Variants in KNL1 observed in about 807,000 individuals in gnomAD.
The protein encoded by KNL1 is outer kinetochore KNL1 complex subunit KNL1.
In KNL1, 66 loss-of-function variants were observed where a neutral mutation model predicts 201.3. The observed-to-expected ratio is 0.33, with a 90% CI of 0.27 to 0.40. The LOEUF (loss-of-function observed/expected upper bound fraction) is 0.40, where lower values mean the gene tolerates loss of function less well. Ranked by LOEUF, KNL1 falls within the 10% of genes least tolerant of loss-of-function variation. The pLI is 1.00. For missense variants in KNL1, 2,815 were observed against 2,690.5 expected, an observed-to-expected ratio of 1.05 and a Z score of -1.02; for synonymous variants, 895 against 899.2, an observed-to-expected ratio of 1.00 and a Z score of 0.08.
intron 17 of KNL1, among the ~76,000 whole-genome samples, chr15:40,647,581 T>C (rs1310374464): frequency 1.3e-5 from 2 of 152,154 alleles, no homozygotes. Context: ...TAACCCAGAC[T>C]GTAATTTTGT....
At chr15:40,601,192 G>A (rs1298237650) in intron 1 of KNL1, among the ~76,000 whole-genome samples, 1 of 152,150 alleles carries the variant, frequency 6.6e-6, no homozygotes, top group Non-Finnish European at 1.5e-5. Flanking sequence ...GTTGTGAACT[G>A]CGCACACGAG....
At chr15:40,596,589 T>C (rs1243340693) in intron 1 of KNL1, among the ~76,000 whole-genome samples, 1 of 152,076 alleles carries the variant, frequency 6.6e-6, no homozygotes, top group Non-Finnish European at 1.5e-5. Context: ...ATTTTATTAT[T>C]AAATAATCAC....
chr15:40,651,383 G>T (rs1336315352), intron 19 of KNL1, 88 bp from the exon 20 acceptor site: 3 of 717,110 alleles, frequency 4.2e-6, no homozygotes, highest in East Asian at 6.1e-5. Flanking sequence ...CATGTAGCAT[G>T]TGACTTCTTA....
intron 13 of KNL1, among the ~76,000 whole-genome samples, chr15:40,632,590 G>A (rs777043189): frequency 1.3e-5 from 2 of 151,868 alleles, no homozygotes; most frequent in Non-Finnish European, 2.9e-5. Context: ...AGATAGAGCC[G>A]GACCCTGTCT....
In KNL1 at chr15:40,598,609, T is replaced by G. The variant is rs145605063; in HGVS notation, c.-18+4217T>G. 6.4e-3 allele frequency among the ~76,000 whole-genome samples: 966 copies of G among 150,648 alleles called. 12 individuals are homozygous for G. The highest frequency in any genetic ancestry group is 0.022 in the African/African-American group (913 of 40,984). ...CCCCCAAAAAAAACAAAAAAATGAG[T>G]GGGTTGGGGATATTGGGGATATATA... On this transcript the variant is annotated intron_variant, in intron 1 of 25. Transcript: ENST00000399668.
At chr15:40,657,498 T>C in intron 24 of KNL1, 25 bp downstream of exon 24, 1 of 1,196,390 alleles carries the variant, frequency 8.4e-7, no homozygotes, top group Non-Finnish European at 1.2e-6. Context: ...TCCCAAGGAC[T>C]GCCATGACAG....
At chr15:40,607,304 C>T (rs999366410) in intron 4 of KNL1, among the ~76,000 whole-genome samples, 22 of 152,184 alleles carry the variant, frequency 1.4e-4, no homozygotes, top group East Asian at 3.8e-4. Context: ...TTATGAACTA[C>T]GAAAAGATCA....
At chr15:40,658,505 GT>G (rs1234807825) in intron 24 of KNL1, among the ~76,000 whole-genome samples, 1 of 129,588 alleles carries the variant, frequency 7.7e-6, no homozygotes, top group Non-Finnish European at 1.6e-5. Flanking sequence ...CTCAGCCTGG[GT>G]GACAGAGTGA....
intron 21 of KNL1, among the ~76,000 whole-genome samples, 195 bp from the exon 22 acceptor site, chr15:40,654,714 A>G (rs1439179184): frequency 6.6e-6 from 1 of 151,950 alleles, no homozygotes; most frequent in Non-Finnish European, 1.5e-5. Flanking sequence ...CTAAAAGTAC[A>G]AAAAATTAGC....
In KNL1 at chr15:40,628,690, T is replaced by A. The variant is rs1194847382; in HGVS notation, c.5583+12T>A. On this transcript the variant is annotated intron_variant, in intron 12 of 25. Coordinates refer to ENST00000399668, the MANE Select transcript of KNL1 (RefSeq NM_144508.5). The stretch of plus-strand genomic sequence containing the variant: ...AGAGCTTGAGGGAGGTATGTTAAAA[T>A]TCTTTTTCTTTTTTTTATTTATAAA... The A allele has an allele frequency of 6.7e-7, 1 of 1,498,454 alleles. No individual in the cohort carries two copies. Among genetic ancestry groups the A allele is most frequent in the African/African-American group, 1.4e-5 (1 of 71,714 alleles). The allele number at this position is 1,498,454 out of a possible 1,614,324, so 92.8% of individuals were successfully genotyped here.
chr15:40,595,491 T>C (rs1891595299), intron 1 of KNL1, among the ~76,000 whole-genome samples: 1 of 152,210 alleles, frequency 6.6e-6, no homozygotes, highest in Non-Finnish European at 1.5e-5. Context: ...GCAGTATAAT[T>C]CTTGACTTTG....
chr15:40,615,428 A>G, intron 8 of KNL1, 50 bp downstream of exon 8: 1 of 537,322 alleles, frequency 1.9e-6, no homozygotes, highest in Non-Finnish European at 3.2e-6. Flanking sequence ...CTATTCATCT[A>G]GGTTTCTTGA....
intron 21 of KNL1, 22 bp from the exon 22 acceptor site, chr15:40,654,887 T>C: frequency 1.3e-6 from 2 of 1,598,170 alleles, no homozygotes; most frequent in African/African-American, 1.3e-5. Context: ...TTTTTAAAAA[T>C]CATTATTCTG....
At chr15:40,630,925 G>A (rs1001384152) in intron 13 of KNL1, among the ~76,000 whole-genome samples, 1 of 152,006 alleles carries the variant, frequency 6.6e-6, no homozygotes, top group South Asian at 2.1e-4. Context: ...TTCAAGACCA[G>A]TCTGGCCAAC....
chr15:40,645,518 T>C, intron 15 of KNL1, 138 bp from the exon 16 acceptor site: 1 of 466,090 alleles, frequency 2.1e-6, no homozygotes, highest in Non-Finnish European at 3.9e-6. Flanking sequence ...TTTTCTGGTC[T>C]TAGACAATTA....
chr15:40,630,813 G>A (rs1478054234), intron 13 of KNL1, among the ~76,000 whole-genome samples: 1 of 152,162 alleles, frequency 6.6e-6, no homozygotes, highest in African/African-American at 2.4e-5. Flanking sequence ...ATATTACAAT[G>A]TAGTAATAAT....
intron 16 of KNL1, among the ~76,000 whole-genome samples, chr15:40,646,215 T>G (rs576464708): frequency 2.0e-5 from 3 of 152,304 alleles, no homozygotes; most frequent in Admixed American, 1.3e-4. Flanking sequence ...TTGCAAGCAA[T>G]ATGCCCTTTC....
At chr15:40,656,359 G>A (rs1406934085) in intron 22 of KNL1, among the ~76,000 whole-genome samples, 3 of 152,002 alleles carry the variant, frequency 2.0e-5, no homozygotes, top group Non-Finnish European at 4.4e-5. Context: ...CCTGAATCCG[G>A]GAGGCGGAGG....
chr15:40,626,571 A>G (rs942935310), intron 10 of KNL1, among the ~76,000 whole-genome samples: 4 of 151,790 alleles, frequency 2.6e-5, no homozygotes, highest in African/African-American at 9.7e-5. Flanking sequence ...TGGAGTTTAC[A>G]TAATATTTAT....
Sources: allele counts gnomAD v4.1 joint callset (sites outside exome capture counted in the v4.1 genomes callset), GRCh38; gene constraint gnomAD v4.1.1; transcripts MANE v1.5; gene names NCBI Gene and HGNC (gene_info 2026-07-23, HGNC 2026-07-21).